ZHX2: variants seen among roughly 807,000 people sequenced by gnomAD.
ZHX2 encodes zinc fingers and homeoboxes 2, also known as zinc fingers and homeoboxes protein 2.
In ZHX2, 6 loss-of-function variants were observed where a neutral mutation model predicts 21.9. The ratio of observed to expected loss-of-function variants is 0.27; its 90% CI spans 0.15 to 0.54. The LOEUF is 0.54. ZHX2 is among the 20% of genes least tolerant of loss of function. The pLI is 0.95. For synonymous variants in ZHX2, 434 were observed against 437.1 expected (o/e 0.99, Z 0.09); for missense variants, 908 against 1,090.7 (o/e 0.83, Z 2.36).
intron 2 of ZHX2, among the ~76,000 whole-genome samples, chr8:122,912,923 C>T (rs568257583): frequency 2.0e-4 from 30 of 152,214 alleles, no homozygotes; most frequent in Admixed American, 5.9e-4. Flanking sequence ...GAAGGTTTAC[C>T]GTTCAGTGGT....
At chr8:122,871,243 G>T (rs1471473027) in intron 2 of ZHX2, among the ~76,000 whole-genome samples, 5 of 152,168 alleles carry the variant, frequency 3.3e-5, no homozygotes, top group African/African-American at 4.8e-5. Flanking sequence ...CACATGTACA[G>T]TGTTAAGAAC....
intron 3 of ZHX2, among the ~76,000 whole-genome samples, chr8:122,956,619 C>A (rs563096082): frequency 4.2e-4 from 64 of 152,196 alleles, no homozygotes; most frequent in South Asian, 1.5e-3. Context: ...GGTGAGAAAC[C>A]AAAAGAGGTT....
intron 2 of ZHX2, among the ~76,000 whole-genome samples, chr8:122,923,824 A>G (rs1417197174): frequency 6.6e-6 from 1 of 152,208 alleles, no homozygotes; most frequent in Admixed American, 6.5e-5. Context: ...AATGGCTCCC[A>G]ATTATAAATG....
intron 1 of ZHX2, among the ~76,000 whole-genome samples, chr8:122,846,992 G>T (rs995870847): frequency 6.6e-6 from 1 of 152,154 alleles, no homozygotes; most frequent in Non-Finnish European, 1.5e-5. Flanking sequence ...AAGGTACTCA[G>T]AACAGGGCCT....
At chr8:122,836,189 T>A (rs552534777) in intron 1 of ZHX2, among the ~76,000 whole-genome samples, 1 of 152,304 alleles carries the variant, frequency 6.6e-6, no homozygotes, top group South Asian at 2.1e-4. Context: ...GATCAGCAAG[T>A]GCCTGACACA....
chr8:122,967,152 T>C (rs969922430), intron 3 of ZHX2, among the ~76,000 whole-genome samples: 10 of 152,252 alleles, frequency 6.6e-5, no homozygotes, highest in African/African-American at 2.4e-4. Flanking sequence ...TTTCTGGCAA[T>C]TCAGATTTCA....
intron 2 of ZHX2, among the ~76,000 whole-genome samples, chr8:122,879,299 C>G (rs1819644173): frequency 6.6e-6 from 1 of 152,090 alleles, no homozygotes; most frequent in African/African-American, 2.4e-5. Flanking sequence ...CTCTGCCTCC[C>G]AGGTTCAAGC....
chr8:122,791,866 T>TAAA (rs5894644), intron 1 of ZHX2, among the ~76,000 whole-genome samples: 6 of 135,030 alleles, frequency 4.4e-5, no homozygotes, highest in African/African-American at 8.2e-5. Flanking sequence ...CTCCATCTCA[T>TAAA]AAAAAAAAAA....
At chr8:122,789,095 C>T (rs1817459193) in intron 1 of ZHX2, among the ~76,000 whole-genome samples, 1 of 152,180 alleles carries the variant, frequency 6.6e-6, no homozygotes, top group South Asian at 2.1e-4. Flanking sequence ...GTGCTCCTTT[C>T]AGGATGCAGA....
At chr8:122,863,915 A>T (rs1819228410) in intron 2 of ZHX2, among the ~76,000 whole-genome samples, 1 of 152,098 alleles carries the variant, frequency 6.6e-6, no homozygotes. Flanking sequence ...ACCATTTAGG[A>T]AACCATGGCC....
At chr8:122,931,801 A>G (rs556649443) in intron 2 of ZHX2, among the ~76,000 whole-genome samples, 1 of 152,302 alleles carries the variant, frequency 6.6e-6, no homozygotes, top group Admixed American at 6.5e-5. Context: ...TGATTTTAAA[A>G]TATCTTTCTG....
intron 1 of ZHX2, among the ~76,000 whole-genome samples, chr8:122,862,832 A>G (rs1819199194): frequency 6.6e-6 from 1 of 152,150 alleles, no homozygotes; most frequent in African/African-American, 2.4e-5. Context: ...CTCCGTGCAC[A>G]TGTGCGCCGC....
chr8:122,882,639 C>T (rs552464727), intron 2 of ZHX2, among the ~76,000 whole-genome samples: 2 of 152,126 alleles, frequency 1.3e-5, no homozygotes, highest in Non-Finnish European at 2.9e-5. Flanking sequence ...CCCAGCCTTG[C>T]TGCTTGCAAT....
intron 1 of ZHX2, among the ~76,000 whole-genome samples, chr8:122,783,017 C>T (rs1266869707): frequency 1.3e-5 from 2 of 152,146 alleles, no homozygotes; most frequent in Non-Finnish European, 2.9e-5. Context: ...CAGGACGGTC[C>T]CTTTGGCCTC....
intron 1 of ZHX2, among the ~76,000 whole-genome samples, chr8:122,785,471 AAG>A (rs1817376361): frequency 6.6e-6 from 1 of 152,200 alleles, no homozygotes; most frequent in Non-Finnish European, 1.5e-5. Flanking sequence ...CATTCCAAGA[AAG>A]AGAAAAAAGG....
chr8:122,858,455 C>T (rs1347424525), intron 1 of ZHX2, among the ~76,000 whole-genome samples: 1 of 152,020 alleles, frequency 6.6e-6, no homozygotes, highest in African/African-American at 2.4e-5. Context: ...AGGGAATATG[C>T]GGGGACTCAT....
At chr8:122,810,833 G>T (rs899746498) in intron 1 of ZHX2, among the ~76,000 whole-genome samples, 2 of 152,094 alleles carry the variant, frequency 1.3e-5, no homozygotes, top group East Asian at 3.9e-4. Flanking sequence ...GGGTACGTGT[G>T]CACATTGTGC....
chr8:122,861,954 C>T lies in ZHX2; in HGVS notation c.-282-1523C>T, dbSNP rs1047657994. The stretch of plus-strand genomic sequence containing the variant: ...AGTTCTAAAGGGCAGTGGACAAAAG[C>T]GCTCAACTTACTGGAATCAAAATAA... On this transcript the variant is annotated intron_variant, in intron 1 of 3. Coordinates refer to ENST00000314393, the MANE Select transcript of ZHX2 (RefSeq NM_014943.5). Among the ~76,000 whole-genome samples, 97 of 152,290 alleles carry T rather than the reference C, an allele frequency of 6.4e-4. 1 individual carries two copies. Among genetic ancestry groups the T allele is most frequent in the African/African-American group, 2.2e-3 (93 of 41,540 alleles).
intron 2 of ZHX2, among the ~76,000 whole-genome samples, chr8:122,890,770 A>G (rs1274367937): frequency 6.6e-6 from 1 of 152,106 alleles, no homozygotes; most frequent in African/African-American, 2.4e-5. Context: ...CGTTATTGGT[A>G]TATGGAAACA....
Sources: allele counts gnomAD v4.1 joint callset (sites outside exome capture counted in the v4.1 genomes callset), GRCh38; gene constraint gnomAD v4.1.1; transcripts MANE v1.5; gene names NCBI Gene and HGNC (gene_info 2026-07-23, HGNC 2026-07-21).